HUWE1: variants seen among roughly 807,000 people sequenced by gnomAD.
The protein encoded by HUWE1 is E3 ubiquitin-protein ligase HUWE1.
Under a neutral mutation model 299.4 loss-of-function variants are expected in HUWE1, and 18 were observed. The ratio of observed to expected loss-of-function variants is 0.06; its 90% CI spans 0.04 to 0.09. HUWE1 has a LOEUF of 0.09. Among genes scored for constraint, HUWE1 ranks in the 10% least tolerant of loss-of-function variants. The pLI is 1.00. For synonymous variants in HUWE1, 1,317 were observed against 1,286.1 expected (o/e 1.02, Z -0.51); for missense variants, 1,832 against 3,462.3 (o/e 0.53, Z 11.82).
intron 36 of HUWE1, among the ~76,000 whole-genome samples, chrX:53,589,278 G>A (rs1556976363): frequency 8.9e-6 from 1 of 111,977 alleles, no homozygotes; most frequent in African/African-American, 3.2e-5. Context: ...TAGTCCAGGG[G>A]ACGAACCTGA....
intron 48 of HUWE1, 30 bp from the exon 49 acceptor site, chrX:53,568,904 T>G: frequency 8.8e-7 from 1 of 1,135,726 alleles, no homozygotes; most frequent in East Asian, 3.1e-5. Flanking sequence ...ATCTCTATCA[T>G]ATGAATATAG....
At chrX:53,657,778 G>A (rs144780751) in intron 3 of HUWE1, among the ~76,000 whole-genome samples, 1,201 of 110,524 alleles carry the variant, frequency 0.011, 22 homozygotes, top group African/African-American at 0.038. Flanking sequence ...GGCCAGGCAC[G>A]GTGGCTCAGG....
In HUWE1 at chrX:53,560,411, T is replaced by C. The variant is rs1384867851; in HGVS notation, c.7513A>G (p.Ile2505Val). The C allele has an allele frequency of 1.7e-6, 2 of 1,207,670 alleles. No homozygotes were observed. Among genetic ancestry groups the C allele is most frequent in the Admixed American group, 4.3e-5 (2 of 46,011 alleles). The change falls in exon 56 of 84, where the codon ATC (isoleucine) becomes GTC (valine). Residue 2505 changes from isoleucine (I) to valine (V), a missense_variant. Ile to Val is a conservative substitution (Grantham distance 29). This residue lies in a region of HUWE1 where 170 missense variants were observed against 335.8 expected (regional missense o/e 0.51). Coordinates refer to ENST00000262854, the MANE Select transcript of HUWE1 (RefSeq NM_031407.7). ...FDNMFSSATD[I>V]PPSPGNIPTT... ...GGGATATTTCCTGGGGATGGGGGGATGTCTGCTGCAAGGACAATATGTAAA... is the reference window on the plus strand; with the variant it reads ...GGGATATTTCCTGGGGATGGGGGGACGTCTGCTGCAAGGACAATATGTAAA...
At position 53,675,538 on chromosome X, in the gene HUWE1, T is replaced by A. The variant is rs782645689; in HGVS notation, c.-25+4511A>T. On this transcript the variant is annotated intron_variant, in intron 3 of 83. Coordinates refer to ENST00000262854, the MANE Select transcript of HUWE1 (RefSeq NM_031407.7). ...TAAACATGATTTCACAGTCCTTAAC[T>A]CGACTGTGAGTTTCTCAAGGGCAGA... 3.6e-5 allele frequency among the ~76,000 whole-genome samples: 4 copies of A among 111,026 alleles called. No individual in the cohort carries two copies. The South Asian group carries it at 1.5e-3, about 42-fold the overall frequency.
At chrX:53,603,681 T>C (rs1045174893) in intron 26 of HUWE1, among the ~76,000 whole-genome samples, 180 bp from the exon 27 acceptor site, 2 of 112,435 alleles carry the variant, frequency 1.8e-5, no homozygotes, top group African/African-American at 6.5e-5. Flanking sequence ...GGTATCCTCT[T>C]ACAATATTTA....
At chrX:53,650,085 G>A (rs1388192548) in intron 4 of HUWE1, among the ~76,000 whole-genome samples, 5 of 111,961 alleles carry the variant, frequency 4.5e-5, no homozygotes, top group Admixed American at 9.4e-5. Flanking sequence ...AAGTGATAGG[G>A]CAACTTGTAT....
chrX:53,540,562 C>A (rs1481798305), intron 74 of HUWE1, among the ~76,000 whole-genome samples: 2 of 112,023 alleles, frequency 1.8e-5, no homozygotes, highest in African/African-American at 3.2e-5. Flanking sequence ...CTCCTGACCT[C>A]GTGATCCACC....
chrX:53,583,306 A>T (rs1344961772), intron 42 of HUWE1, among the ~76,000 whole-genome samples: 1 of 99,632 alleles, frequency 1.0e-5, no homozygotes, highest in African/African-American at 3.7e-5. Flanking sequence ...AACCTAGATT[A>T]AAAAAAAAAA....
chrX:53,553,149 T>C (rs782049945), intron 61 of HUWE1, among the ~76,000 whole-genome samples: 2 of 110,743 alleles, frequency 1.8e-5, no homozygotes, highest in South Asian at 7.7e-4. Context: ...GTAAGGGATT[T>C]TTTTTTGGCA....
At chrX:53,665,606 T>C (rs1366664850) in intron 3 of HUWE1, among the ~76,000 whole-genome samples, 3 of 112,184 alleles carry the variant, frequency 2.7e-5, no homozygotes, top group African/African-American at 9.7e-5. Context: ...CCCAATTACT[T>C]AGAGAAACTG....
At chrX:53,609,001 T>C in intron 23 of HUWE1, 92 bp from the exon 24 acceptor site, 1 of 573,725 alleles carries the variant, frequency 1.7e-6, no homozygotes, top group Non-Finnish European at 3.1e-6. Context: ...ATTCTAGGCC[T>C]TTTTCTATTT....
intron 42 of HUWE1, among the ~76,000 whole-genome samples, chrX:53,581,956 A>G (rs1430166488): frequency 5.4e-5 from 6 of 111,601 alleles, no homozygotes; most frequent in Admixed American, 9.5e-5. Flanking sequence ...AGGTCAAAGG[A>G]TATCTTAGAC....
intron 81 of HUWE1, 137 bp downstream of exon 81, chrX:53,535,247 G>C (rs2060986392): frequency 3.8e-6 from 2 of 526,826 alleles, no homozygotes; most frequent in Non-Finnish European, 6.8e-6. Flanking sequence ...AAGTATTTTT[G>C]ATCAAGTGTT....
chrX:53,589,428 T>C (rs1488908372), intron 36 of HUWE1, 119 bp downstream of exon 36: 22 of 671,576 alleles, frequency 3.3e-5, no homozygotes, highest in Non-Finnish European at 5.1e-5. Flanking sequence ...AGAATCCAAA[T>C]AGAGAATATA....
chrX:53,582,773 T>G (rs1039973623), intron 42 of HUWE1, among the ~76,000 whole-genome samples: 3 of 110,763 alleles, frequency 2.7e-5, no homozygotes, highest in African/African-American at 9.9e-5. Context: ...TTTTTTTTTT[T>G]CTTTTGAGAC....
At chrX:53,664,847 A>G (rs940598692) in intron 3 of HUWE1, among the ~76,000 whole-genome samples, 1 of 111,231 alleles carries the variant, frequency 9.0e-6, no homozygotes, top group East Asian at 2.8e-4. Context: ...ACTGATTATG[A>G]TTTGTTAAAG....
chrX:53,592,544 T>C lies in HUWE1; in HGVS notation c.3826A>G (p.Ile1276Val). ...TCTCCTCGGAGGATGTGGCATAGAA[T>C]GGCCAGCATCGATTCAGCCATTCGT... is the stretch of plus-strand genomic sequence containing the variant. ...GGRMAESMLA[I>V]LCHILRGEPV... is the part of the protein sequence containing the mutation. Residue 1276 changes from isoleucine (I) to valine (V), a missense_variant, in exon 33 of 84, where the codon ATT becomes GTT. By Grantham distance (29) the Ile-to-Val change is conservative. Around this residue, in one of 15 missense-constraint regions of HUWE1, gnomAD observed 658 missense variants for 1,282.6 expected, o/e 0.51. Coordinates refer to ENST00000262854, the MANE Select transcript of HUWE1 (RefSeq NM_031407.7). The C allele has an allele frequency of 1.7e-6, 2 of 1,211,394 alleles. No individual in the cohort carries two copies. The highest frequency in any genetic ancestry group is 1.1e-6 in the Non-Finnish European group (1 of 895,096).
intron 35 of HUWE1, among the ~76,000 whole-genome samples, chrX:53,590,019 T>G (rs1162473568): frequency 1.8e-5 from 2 of 112,034 alleles, no homozygotes; most frequent in African/African-American, 6.5e-5. Context: ...TTCAAACAAC[T>G]TTCACTGTCA....
chrX:53,595,696 T>G (rs2064420233), intron 29 of HUWE1, among the ~76,000 whole-genome samples: 1 of 111,964 alleles, frequency 8.9e-6, no homozygotes, highest in Non-Finnish European at 1.9e-5. Context: ...TTAAGTTAAA[T>G]GATATCTAGT....
Sources: gnomAD v4.1 joint callset for allele counts (sites outside exome capture counted in the v4.1 genomes callset) on GRCh38, gnomAD v4.1.1 for gene constraint, gnomAD v4.1.1 regional missense constraint, MANE v1.5 for transcripts, NCBI Gene and HGNC (gene_info 2026-07-23, HGNC 2026-07-21) for gene names.